TSEN2: variants seen among roughly 807,000 people sequenced by gnomAD.
TSEN2 encodes tRNA splicing endonuclease subunit 2, also known as tRNA-splicing endonuclease subunit Sen2.
Under a neutral mutation model 59.2 loss-of-function variants are expected in TSEN2, and 54 were observed. The ratio of observed to expected loss-of-function variants is 0.91; its 90% confidence interval spans 0.73 to 1.14. TSEN2 has a LOEUF of 1.14. Ranked by LOEUF, TSEN2 falls within the 50% of genes most tolerant of loss-of-function variation. TSEN2 has a pLI of 0.00. For missense variants in TSEN2, 636 were observed against 576.2 expected, an observed-to-expected ratio of 1.10 and a Z score of -1.06; for synonymous variants, 195 against 198.2, an observed-to-expected ratio of 0.98 and a Z score of 0.14.
intron 2 of TSEN2, among the ~76,000 whole-genome samples, chr3:12,490,231 G>C (rs1204335290): frequency 1.3e-5 from 2 of 151,884 alleles, no homozygotes; most frequent in African/African-American, 4.9e-5. Flanking sequence ...TGATGAAGTA[G>C]GTTCAATGGA....
chr3:12,520,753 A>G (rs548948214), intron 8 of TSEN2, among the ~76,000 whole-genome samples: 4 of 128,652 alleles, frequency 3.1e-5, no homozygotes, highest in South Asian at 2.2e-4. Flanking sequence ...TCACGCCACT[A>G]CACTCCAGCC....
chr3:12,536,926 C>T (rs1340513961), downstream of TSEN2, among the ~76,000 whole-genome samples: 1 of 151,970 alleles, frequency 6.6e-6, no homozygotes, highest in African/African-American at 2.4e-5. Flanking sequence ...TCACTTGAAC[C>T]CGGGAGGTGG....
intron 8 of TSEN2, 33 bp downstream of exon 8, chr3:12,519,230 TAG>T (rs771815347): frequency 1.2e-6 from 2 of 1,613,658 alleles, no homozygotes; most frequent in South Asian, 1.1e-5. Flanking sequence ...TGTGTGAGAA[TAG>T]AGTTTATATC....
chr3:12,492,476 A>G (rs187007635), intron 3 of TSEN2, among the ~76,000 whole-genome samples: 35 of 152,360 alleles, frequency 2.3e-4, no homozygotes, highest in Admixed American at 1.7e-3. Context: ...TACTATGCCT[A>G]TGGCAGGTAC....
downstream of TSEN2, among the ~76,000 whole-genome samples, chr3:12,536,573 TAAAG>T (rs2057676574): frequency 6.6e-6 from 1 of 152,142 alleles, no homozygotes; most frequent in South Asian, 2.1e-4. Context: ...GCTGGTACGA[TAAAG>T]GAAACTTAAT....
chr3:12,516,681 T>C lies in TSEN2; in HGVS notation c.960+20T>C. 1 of 1,611,438 alleles carries C rather than the reference T, an allele frequency of 6.2e-7. No individual in the cohort carries two copies. Among genetic ancestry groups the C allele is most frequent in the South Asian group, 1.1e-5 (1 of 91,034 alleles). On this transcript the variant is annotated intron_variant, in intron 7 of 11. Transcript: ENST00000284995. ...GAGAAGGTAAGATGCTTTGTTTACA[T>C]ACAACCCACTTAAAATTTCCCTGTT... is the stretch of plus-strand genomic sequence containing the variant.
intron 6 of TSEN2, among the ~76,000 whole-genome samples, chr3:12,505,946 A>C: frequency 6.6e-6 from 1 of 152,086 alleles, no homozygotes; most frequent in East Asian, 1.9e-4. Context: ...GCTTGGGCGA[A>C]AGAGTGAGAC....
intron 3 of TSEN2, among the ~76,000 whole-genome samples, chr3:12,494,745 C>A (rs938388433): frequency 4.0e-5 from 6 of 150,720 alleles, no homozygotes; most frequent in African/African-American, 7.3e-5. Flanking sequence ...TTTAAAAATT[C>A]CAGTAGGAAG....
At chr3:12,508,395 C>T (rs1397654630) in intron 6 of TSEN2, among the ~76,000 whole-genome samples, 3 of 152,198 alleles carry the variant, frequency 2.0e-5, no homozygotes, top group African/African-American at 7.2e-5. Context: ...TTAAACCTAG[C>T]TCTACTTGTC....
intron 5 of TSEN2, among the ~76,000 whole-genome samples, chr3:12,504,505 C>T (rs1280309366): frequency 6.6e-6 from 1 of 151,770 alleles, no homozygotes; most frequent in Non-Finnish European, 1.5e-5. Flanking sequence ...ATTTCTTGAG[C>T]CTGGGAGATC....
chr3:12,485,158 G>T (rs1312088679), intron 1 of TSEN2, among the ~76,000 whole-genome samples: 1 of 152,232 alleles, frequency 6.6e-6, no homozygotes, highest in Non-Finnish European at 1.5e-5. Context: ...GAGGTGCGCA[G>T]ATGGAGCTTG....
intron 8 of TSEN2, 126 bp downstream of exon 8, chr3:12,519,323 G>A: frequency 1.5e-6 from 2 of 1,359,576 alleles, no homozygotes; most frequent in Non-Finnish European, 2.1e-6. Context: ...GTTTAGATAA[G>A]ATTATTGGAT....
At chr3:12,480,532 T>G (rs1453235740), upstream of TSEN2, among the ~76,000 whole-genome samples, 4 of 139,832 alleles carry the variant, frequency 2.9e-5, no homozygotes, top group East Asian at 3.9e-4. Flanking sequence ...TTCTTTGTTT[T>G]TTTTTTTTTT....
rs374735128 is a variant in TSEN2 at position 12,492,170 on chromosome 3, G to A, written c.224G>A (p.Arg75His). 60 of 1,614,100 alleles carry A rather than the reference G, an allele frequency of 3.7e-5. 1 individual carries two copies. The highest frequency in any genetic ancestry group is 2.0e-4 in the South Asian group (18 of 91,078). The change falls in exon 3 of 12, where the codon CGT becomes CAT. Residue 75 changes from arginine (R) to histidine (H), a missense_variant. Arg to His is a conservative substitution (Grantham distance 29). Transcript: ENST00000284995. ...YFGKGILSRS[R>H]PSFTISDPKL... ...GGAAAAGGTATTCTTTCAAGAAGCC[G>A]TCCAAGCTTCACAATTTCAGATCCT...
upstream of TSEN2, among the ~76,000 whole-genome samples, chr3:12,482,430 G>A (rs1391453771): frequency 1.3e-5 from 2 of 152,136 alleles, no homozygotes; most frequent in Non-Finnish European, 2.9e-5. Context: ...CAGAAGTGAT[G>A]ATTTATTGGA....
chr3:12,501,372 G>T (rs145638816), intron 4 of TSEN2, among the ~76,000 whole-genome samples: 1 of 152,160 alleles, frequency 6.6e-6, no homozygotes, highest in African/African-American at 2.4e-5. Flanking sequence ...TCACGGTGCC[G>T]TACTGACTCT....
chr3:12,503,890 G>A (rs1439668540), intron 5 of TSEN2, 106 bp downstream of exon 5: 1 of 1,446,186 alleles, frequency 6.9e-7, no homozygotes. Flanking sequence ...CTGTTGTAGG[G>A]TCCAAGGGAA....
At chr3:12,507,124 C>T (rs1166913529) in intron 6 of TSEN2, among the ~76,000 whole-genome samples, 1 of 152,122 alleles carries the variant, frequency 6.6e-6, no homozygotes, top group Non-Finnish European at 1.5e-5. Context: ...ACCCGGGAGG[C>T]GGAGGTTGCA....
At chr3:12,494,317 C>T (rs1199687205) in intron 3 of TSEN2, among the ~76,000 whole-genome samples, 3 of 152,280 alleles carry the variant, frequency 2.0e-5, no homozygotes, top group Non-Finnish European at 2.9e-5. Context: ...TAAGCGAAGA[C>T]AGCACAGTAT....
Sources: allele counts gnomAD v4.1 joint callset (sites outside exome capture counted in the v4.1 genomes callset), GRCh38; gene constraint gnomAD v4.1.1; transcripts MANE v1.5; gene names NCBI Gene and HGNC (gene_info 2026-07-23, HGNC 2026-07-21).